PIP4K2C: variants seen among roughly 807,000 people sequenced by gnomAD.
PIP4K2C encodes the protein phosphatidylinositol 5-phosphate 4-kinase type-2 gamma.
A neutral mutation model predicts 45.0 loss-of-function variants in PIP4K2C; 21 were observed. That is an observed-to-expected ratio of 0.47 (90% confidence interval 0.33 to 0.67). The LOEUF is 0.67. Among genes scored for constraint, PIP4K2C ranks in the 30% least tolerant of loss-of-function variants. The pLI is 0.02. For missense variants in PIP4K2C, 456 were observed against 542.8 expected (o/e 0.84, Z 1.59); for synonymous variants, 201 against 204.8 (o/e 0.98, Z 0.16).
At chr12:57,594,515 A>C (rs1428712584) in intron 2 of PIP4K2C, among the ~76,000 whole-genome samples, 1 of 152,130 alleles carries the variant, frequency 6.6e-6, no homozygotes, top group African/African-American at 2.4e-5. Flanking sequence ...CTGACTTTAG[A>C]ATGCTTCTGA....
rs56278212 is a variant in PIP4K2C at position 57,600,048 on chromosome 12, C to CAA, written c.700-256_700-255dup. Among the ~76,000 whole-genome samples, 901 of 139,340 alleles carry CAA rather than the reference C, an allele frequency of 6.5e-3. 7 individuals are homozygous for CAA. Among genetic ancestry groups the CAA allele is most frequent in the African/African-American group, 0.025 (848 of 34,148 alleles). The allele number at this position is 139,340 out of a possible 152,430, so 91.4% of individuals were successfully genotyped here. On this transcript the variant is annotated intron_variant, in intron 6 of 9. Coordinates refer to ENST00000354947, the MANE Select transcript of PIP4K2C (RefSeq NM_024779.5). ...CAACAGAGTGATCGAGATCCTATCT[C>CAA]AAAAAAAAAAAAAAAAAAAAAGAGG... is the stretch of plus-strand genomic sequence containing the variant.
At chr12:57,595,789 C>G in intron 3 of PIP4K2C, 99 bp from the exon 4 acceptor site, 1 of 1,310,130 alleles carries the variant, frequency 7.6e-7, no homozygotes, top group African/African-American at 1.5e-5. Flanking sequence ...GAATCTCCTA[C>G]CCCAGGGATT....
intron 4 of PIP4K2C, among the ~76,000 whole-genome samples, chr12:57,597,298 C>T (rs1288387045): frequency 1.3e-5 from 2 of 151,896 alleles, no homozygotes; most frequent in East Asian, 1.9e-4. Flanking sequence ...CCTGGGGGAG[C>T]GATGGTGGTG....
At chr12:57,595,557 T>C (rs950138283) in intron 3 of PIP4K2C, among the ~76,000 whole-genome samples, 1 of 151,986 alleles carries the variant, frequency 6.6e-6, no homozygotes, top group East Asian at 1.9e-4. Flanking sequence ...ATATGAAAAT[T>C]AGCCAGGTGT....
chr12:57,594,122 G>A lies in PIP4K2C; in HGVS notation c.272G>A (p.Arg91Lys). 1 of 1,610,666 alleles carries A rather than the reference G, an allele frequency of 6.2e-7. No homozygotes were observed. Among genetic ancestry groups the A allele is most frequent in the Non-Finnish European group, 8.5e-7 (1 of 1,177,820 alleles). ...AAGGTCAACAATCACCTTTTCCACAGGTAAGTGATGATCCTTGCCATTCTC... is the reference window on the plus strand; with the variant it reads ...AAGGTCAACAATCACCTTTTCCACAAGTAAGTGATGATCCTTGCCATTCTC... ...KIKVNNHLFH[R>K]ENLPSHFKFK... Residue 91 changes from arginine to lysine, a missense_variant and splice_region_variant, in exon 2 of 10, where the codon AGG (arginine) becomes AAG (lysine). Around this residue, in one of 2 missense-constraint regions of PIP4K2C, gnomAD observed 421 missense variants for 473.1 expected, o/e 0.89. Coordinates refer to ENST00000354947, the MANE Select transcript of PIP4K2C (RefSeq NM_024779.5).
intron 5 of PIP4K2C, 67 bp from the exon 6 acceptor site, chr12:57,599,333 T>G (rs1883327934): frequency 1.2e-6 from 2 of 1,608,668 alleles, no homozygotes; most frequent in East Asian, 2.2e-5. Flanking sequence ...AGTACTCATC[T>G]TAGGGGCTGG....
In PIP4K2C at chr12:57,601,689, G is replaced by T; in HGVS notation, c.*83G>T. ...AATTGTGGGGATATTCTAGCCACCA[G>T]TTCTCTTCTTCCTTTGCTAAATTCA... On this transcript the variant is annotated 3_prime_UTR_variant, in exon 10 of 10. Coordinates refer to ENST00000354947, the MANE Select transcript of PIP4K2C (RefSeq NM_024779.5). The T allele has an allele frequency of 1.6e-6, 2 of 1,222,812 alleles. No homozygotes were observed. The highest frequency in any genetic ancestry group is 1.2e-5 in the South Asian group (1 of 82,884). The allele number at this position is 1,222,812 out of a possible 1,614,324, so 75.7% of individuals were successfully genotyped here.
chr12:57,593,053 A>G (rs1316500466), intron 1 of PIP4K2C, among the ~76,000 whole-genome samples: 1 of 152,108 alleles, frequency 6.6e-6, no homozygotes, highest in Non-Finnish European at 1.5e-5. Flanking sequence ...CAAGGCATTC[A>G]TTTATTCAAT....
Position 57,599,138 on chromosome 12 carries a change from A to C in PIP4K2C, c.587A>C (p.Glu196Ala). Residue 196 changes from glutamate to alanine, a missense_variant, in exon 5 of 10, where the codon GAA becomes GCA. Physicochemically the swap from Glu to Ala is moderately radical, Grantham distance 107. This residue lies in a region of PIP4K2C where 421 missense variants were observed against 473.1 expected (regional missense o/e 0.89). Transcript: ENST00000354947. ...ATGTACCGAGTCAGTGTGGACAACG[A>C]AGACAGCTACATGCTTGTGATGCGC... ...LGMYRVSVDN[E>A]DSYMLVMRNM... 9.9e-6 allele frequency: 16 copies of C among 1,614,198 alleles called. No individual in the cohort carries two copies. The highest frequency in any genetic ancestry group is 1.4e-5 in the Non-Finnish European group (16 of 1,180,024).
intron 3 of PIP4K2C, 37 bp downstream of exon 3, chr12:57,595,259 C>G (rs1311741483): frequency 7.6e-7 from 1 of 1,310,622 alleles, no homozygotes; most frequent in Admixed American, 1.7e-5. Flanking sequence ...AGCCCTTTCT[C>G]CCCAGCAACT....
In PIP4K2C at chr12:57,602,702, C is replaced by T. The variant is rs1438300047; in HGVS notation, c.*1096C>T. 1 of 152,636 alleles carries T rather than the reference C, an allele frequency of 6.6e-6. No individual in the cohort carries two copies. The highest frequency in any genetic ancestry group is 1.5e-5 in the Non-Finnish European group (1 of 68,122). The allele number at this position is 152,636 out of a possible 1,614,324, so 9.5% of individuals were successfully genotyped here. ...CCAGTTGGATTTGTTTTTCTGTTCT[C>T]TTCTGTCCTGTCTTATACTGCAACT... is the stretch of plus-strand genomic sequence containing the variant. On this transcript the variant is annotated 3_prime_UTR_variant, in exon 10 of 10. Transcript: ENST00000354947.
Position 57,591,234 on chromosome 12 carries a change from G to T in PIP4K2C, c.-56G>T. The T allele has an allele frequency of 3.2e-6, 5 of 1,539,690 alleles. No homozygotes were observed. The highest frequency in any genetic ancestry group is 4.4e-6 in the Non-Finnish European group (5 of 1,137,358). Reference sequence around the variant, plus strand: ...GCAGGTGAGCGCCGCTTCCGGGGTCGGGCGCCTGGATAGCTGCCGGCTCCG... The same window carrying T: ...GCAGGTGAGCGCCGCTTCCGGGGTCTGGCGCCTGGATAGCTGCCGGCTCCG... On this transcript the variant is annotated 5_prime_UTR_variant, in exon 1 of 10. Coordinates refer to ENST00000354947, the MANE Select transcript of PIP4K2C (RefSeq NM_024779.5).
In PIP4K2C at chr12:57,591,454, A is replaced by G. The variant is rs1882952502; in HGVS notation, c.165A>G (p.Val55=). ...DPLVGVFLWG[V]AHSINELSQV... ...TGGTGGGTGTGTTCCTGTGGGGCGT[A>G]GCCCACTCGGTGAGAACCAGCCCTA... The change falls in exon 1 of 10, where the codon GTA becomes GTG. Residue 55 remains valine (V), a synonymous_variant. Coordinates refer to ENST00000354947, the MANE Select transcript of PIP4K2C (RefSeq NM_024779.5). 1.2e-6 allele frequency: 2 copies of G among 1,611,116 alleles called. No homozygotes were observed. Among genetic ancestry groups the G allele is most frequent in the Non-Finnish European group, 1.7e-6 (2 of 1,178,616 alleles).
At chr12:57,599,349 G>A in intron 5 of PIP4K2C, 51 bp from the exon 6 acceptor site, 1 of 1,612,880 alleles carries the variant, frequency 6.2e-7, no homozygotes, top group Non-Finnish European at 8.5e-7. Flanking sequence ...GCTGGGTTCT[G>A]ACTGTTCTTT....
Position 57,601,029 on chromosome 12 carries a change from A to G in PIP4K2C, c.1032A>G (p.Pro344=). The part of the protein sequence containing the change: ...GYIHSHRPLG[P]GEFESFIDVY... ...TCCATTCCCATCGGCCCCTGGGCCC[A>G]GGAGAGTTTGAGTCCTTCATTGATG... The change falls in exon 8 of 10, where the codon CCA becomes CCG. Residue 344 remains proline, a synonymous_variant. Transcript: ENST00000354947. The G allele has an allele frequency of 1.2e-6, 2 of 1,613,994 alleles. No homozygotes were observed. Among genetic ancestry groups the G allele is most frequent in the Middle Eastern group, 1.7e-4 (1 of 6,060 alleles).
intron 2 of PIP4K2C, among the ~76,000 whole-genome samples, 184 bp from the exon 3 acceptor site, chr12:57,594,942 C>T (rs1883123032): frequency 6.6e-6 from 1 of 151,834 alleles, no homozygotes; most frequent in Non-Finnish European, 1.5e-5. Flanking sequence ...TGCAGTCCAA[C>T]CTGGCAACAG....
At chr12:57,593,214 C>T (rs1883036847) in intron 1 of PIP4K2C, among the ~76,000 whole-genome samples, 1 of 152,024 alleles carries the variant, frequency 6.6e-6, no homozygotes, top group Non-Finnish European at 1.5e-5. Context: ...CATGCAGTAA[C>T]AAAGGCAGGT....
At chr12:57,601,505 G>A in intron 9 of PIP4K2C, 21 bp from the exon 10 acceptor site, 14 of 1,604,642 alleles carry the variant, frequency 8.7e-6, no homozygotes, top group Non-Finnish European at 1.2e-5. Flanking sequence ...CTGACATATT[G>A]TTCCGTATCT....
intron 4 of PIP4K2C, among the ~76,000 whole-genome samples, chr12:57,598,259 G>A (rs1883275127): frequency 6.6e-6 from 1 of 151,538 alleles, no homozygotes; most frequent in South Asian, 2.1e-4. Flanking sequence ...AGTGGCTCAC[G>A]CTTGTAATCC....
Sources: gnomAD v4.1 joint callset for allele counts (sites outside exome capture counted in the v4.1 genomes callset) on GRCh38, gnomAD v4.1.1 for gene constraint, gnomAD v4.1.1 regional missense constraint, MANE v1.5 for transcripts, NCBI Gene and HGNC (gene_info 2026-07-23, HGNC 2026-07-21) for gene names.